Variants in SCMH1 observed in about 807,000 individuals in gnomAD.
SCMH1 encodes Scm polycomb group protein homolog 1.
A neutral mutation model predicts 70.8 loss-of-function variants in SCMH1; 37 were observed. That is an observed-to-expected ratio of 0.52 (90% CI 0.40 to 0.69). The LOEUF (loss-of-function observed/expected upper bound fraction) is 0.69. Ranked by LOEUF, SCMH1 falls within the 30% of genes least tolerant of loss-of-function variation. The pLI is 0.00. For missense variants in SCMH1, 607 were observed against 827.3 expected (o/e 0.73, Z 3.27); for synonymous variants, 292 against 307.4 (o/e 0.95, Z 0.52).
At chr1:41,109,279 A>G (rs1340729537) in intron 8 of SCMH1, among the ~76,000 whole-genome samples, 26 of 152,204 alleles carry the variant, frequency 1.7e-4, no homozygotes, top group Admixed American at 1.7e-3. Flanking sequence ...TGTGTAAAGG[A>G]ACATTAAATA....
At position 41,160,841 on chromosome 1, in the gene SCMH1, C is replaced by T. The variant is rs568715431; in HGVS notation, c.106+34G>A. ...TCTAATCCCTGGTTTACCAATTCCC[C>T]TTATTTAACAGAAACACAAGAAAAA... On this transcript the variant is annotated intron_variant, in intron 4 of 14. Coordinates refer to ENST00000337495, the Ensembl canonical transcript of SCMH1. 16 of 1,542,940 alleles carry T rather than the reference C, an allele frequency of 1.0e-5. No individual in the cohort carries two copies. The African/African-American group carries it at 1.6e-4, about 16-fold the overall frequency.
intron 8 of SCMH1, among the ~76,000 whole-genome samples, chr1:41,096,970 C>T (rs1665251507): frequency 6.6e-6 from 1 of 152,196 alleles, no homozygotes; most frequent in South Asian, 2.1e-4. Context: ...TTTAATCACT[C>T]TGGGGCCCTT....
chr1:41,164,802 T>C (rs1646304361), intron 2 of SCMH1, among the ~76,000 whole-genome samples: 1 of 152,152 alleles, frequency 6.6e-6, no homozygotes, highest in Non-Finnish European at 1.5e-5. Context: ...AAGTGATGTT[T>C]CAATATACGT....
At chr1:41,070,829 A>G (rs1571779189) in intron 9 of SCMH1, 108 bp from the exon 10 acceptor site, 2 of 1,343,242 alleles carry the variant, frequency 1.5e-6, no homozygotes, top group East Asian at 2.5e-5. Context: ...TGGATGGAAT[A>G]GTGTTTTATC....
chr1:41,217,248 AT>A (rs1658290092), intron 1 of SCMH1, among the ~76,000 whole-genome samples: 1 of 152,192 alleles, frequency 6.6e-6, no homozygotes, highest in African/African-American at 2.4e-5. Flanking sequence ...TGTCCGAATT[AT>A]GTTGAGCCAC....
At chr1:41,075,687 CTAA>C (rs1658077643) in intron 8 of SCMH1, among the ~76,000 whole-genome samples, 1 of 151,986 alleles carries the variant, frequency 6.6e-6, no homozygotes, top group Non-Finnish European at 1.5e-5. Flanking sequence ...ATTTTTCTTC[CTAA>C]GGCACCTTAG....
Position 41,125,724 on chromosome 1 carries a change from A to G in SCMH1, c.413-8714T>C, listed in dbSNP as rs1372186147. On this transcript the variant is annotated intron_variant, in intron 6 of 14. Coordinates refer to ENST00000337495, the Ensembl canonical transcript of SCMH1. ...AAGTAGCTGGGACCACAGATGCGTG[A>G]CACCATGTCCAGCTCATTTTTAATG... Among the ~76,000 whole-genome samples, 5 of 150,058 alleles carry G rather than the reference A, an allele frequency of 3.3e-5. No homozygotes were observed. The East Asian group carries it at 1.0e-3, about 30-fold the overall frequency.
intron 1 of SCMH1, among the ~76,000 whole-genome samples, chr1:41,202,696 G>A (rs1464004952): frequency 6.6e-6 from 1 of 152,082 alleles, no homozygotes; most frequent in Non-Finnish European, 1.5e-5. Flanking sequence ...CTGATTTTCA[G>A]CAAGGGAATA....
intron 8 of SCMH1, among the ~76,000 whole-genome samples, chr1:41,109,922 T>A (rs949633560): frequency 6.6e-6 from 1 of 152,204 alleles, no homozygotes; most frequent in Admixed American, 6.5e-5. Flanking sequence ...GTGAATTCCC[T>A]AGGCATGAAA....
At chr1:41,211,374 T>C (rs1161110528) in intron 1 of SCMH1, among the ~76,000 whole-genome samples, 1 of 152,152 alleles carries the variant, frequency 6.6e-6, no homozygotes, top group East Asian at 1.9e-4. Flanking sequence ...ATACAGACAC[T>C]TCTCAAAAGA....
At position 41,071,597 on chromosome 1, in the gene SCMH1, C is replaced by T. The variant is rs185035459; in HGVS notation, c.979-876G>A. 3.6e-3 allele frequency among the ~76,000 whole-genome samples: 552 copies of T among 152,044 alleles called. 3 individuals carry two copies. Among genetic ancestry groups the T allele is most frequent in the African/African-American group, 0.012 (511 of 41,456 alleles). On this transcript the variant is annotated intron_variant, in intron 9 of 14. Coordinates refer to ENST00000337495, the Ensembl canonical transcript of SCMH1. ...TGATTTGAGAGAAATCTATTATTTC[C>T]CCTACACTGTTCAGGGCAGTTTTTG...
intron 9 of SCMH1, among the ~76,000 whole-genome samples, chr1:41,074,072 CTTT>C (rs532510799): frequency 5.5e-5 from 7 of 128,440 alleles, no homozygotes; most frequent in South Asian, 2.6e-4. Flanking sequence ...TGACAGAAGT[CTTT>C]TTTTTTTTTT....
At chr1:41,092,960 T>C (rs1664066038) in intron 8 of SCMH1, among the ~76,000 whole-genome samples, 1 of 152,186 alleles carries the variant, frequency 6.6e-6, no homozygotes, top group Admixed American at 6.5e-5. Flanking sequence ...TGGAAGACAG[T>C]GTGGCGATTC....
chr1:41,054,381 G>A (rs1395859476), intron 10 of SCMH1, among the ~76,000 whole-genome samples: 3 of 152,000 alleles, frequency 2.0e-5, no homozygotes, highest in African/African-American at 7.3e-5. Flanking sequence ...CAAGAGATGA[G>A]CTTAAAAACA....
In SCMH1 at chr1:41,094,990, C is replaced by T. The variant is rs189922252; in HGVS notation, c.745+18293G>A. 7.2e-5 allele frequency among the ~76,000 whole-genome samples: 11 copies of T among 152,218 alleles called. No homozygotes were observed. In the East Asian group the frequency reaches 2.1e-3, roughly 29 times the overall value. On this transcript the variant is annotated intron_variant, in intron 8 of 14. Transcript: ENST00000337495. Reference sequence around the variant, plus strand: ...CATCATCCTATATAAAACAATACCTCCAACCCATCACCCCCAAACCCCTGG... The same window carrying T: ...CATCATCCTATATAAAACAATACCTTCAACCCATCACCCCCAAACCCCTGG...
chr1:41,093,834 CA>C (rs1447632233), intron 8 of SCMH1, among the ~76,000 whole-genome samples: 2 of 152,170 alleles, frequency 1.3e-5, no homozygotes, highest in African/African-American at 2.4e-5. Context: ...ACAAGGTTTC[CA>C]AAATTCTAAT....
chr1:41,156,343 C>G (rs555265551), intron 4 of SCMH1, among the ~76,000 whole-genome samples: 3 of 152,310 alleles, frequency 2.0e-5, no homozygotes, highest in Admixed American at 1.3e-4. Context: ...ATCAGAAATT[C>G]CACTCCACTA....
rs191682430 is a variant in SCMH1, at chr1:41,129,613, T to A, written c.413-12603A>T. 4.6e-5 allele frequency among the ~76,000 whole-genome samples: 7 copies of A among 152,292 alleles called. No individual in the cohort carries two copies. The East Asian group carries it at 1.2e-3, about 25-fold the overall frequency. ...CGCTCTCTTTCTGTGTGTGCGTATG[T>A]GTGACATTTTCTTTATCCATTCTTC... is the stretch of plus-strand genomic sequence containing the variant. On this transcript the variant is annotated intron_variant, in intron 6 of 14. Coordinates refer to ENST00000337495, the Ensembl canonical transcript of SCMH1.
chr1:41,029,066 T>C (rs1418271818), intron 13 of SCMH1, among the ~76,000 whole-genome samples: 4 of 152,106 alleles, frequency 2.6e-5, no homozygotes, highest in African/African-American at 4.8e-5. Context: ...TTGCCTTGGC[T>C]CTGGGGGACC....
Sources: allele counts gnomAD v4.1 joint callset (sites outside exome capture counted in the v4.1 genomes callset), GRCh38; gene constraint gnomAD v4.1.1; transcripts MANE v1.5; gene names NCBI Gene and HGNC (gene_info 2026-07-23, HGNC 2026-07-21).